CTTNBP2: variants seen among roughly 807,000 people sequenced by gnomAD.
The protein encoded by CTTNBP2 is cortactin-binding protein 2.
A neutral mutation model predicts 156.9 loss-of-function variants in CTTNBP2; 108 were observed. That is an observed-to-expected ratio of 0.69 (90% CI 0.59 to 0.81). The LOEUF is 0.81. Ranked by LOEUF, CTTNBP2 falls within the 30% of genes least tolerant of loss-of-function variation. The pLI, the probability that CTTNBP2 is intolerant of heterozygous loss-of-function variation, is 0.00. For missense variants in CTTNBP2, 1,924 were observed against 2,035.4 expected (o/e 0.95, Z 1.05); for synonymous variants, 767 against 751.8 (o/e 1.02, Z -0.33).
chr7:117,860,687 GA>G (rs1387952830), intron 2 of CTTNBP2, among the ~76,000 whole-genome samples: 4 of 152,000 alleles, frequency 2.6e-5, no homozygotes, highest in Admixed American at 2.6e-4. Context: ...AGCAATTACA[GA>G]AATATTTCAA....
intron 2 of CTTNBP2, among the ~76,000 whole-genome samples, chr7:117,830,721 C>T: frequency 6.6e-6 from 1 of 152,210 alleles, no homozygotes; most frequent in East Asian, 1.9e-4. Flanking sequence ...TTAGGAACGC[C>T]TCCCTCTCTA....
At chr7:117,821,983 C>T (rs753969515) in intron 2 of CTTNBP2, among the ~76,000 whole-genome samples, 9 of 152,176 alleles carry the variant, frequency 5.9e-5, no homozygotes, top group Non-Finnish European at 1.2e-4. Context: ...ATACTCTGAC[C>T]TCATAAAATG....
chr7:117,766,763 A>C lies in CTTNBP2; in HGVS notation c.2896+296T>G, dbSNP rs547079965. 5.3e-5 allele frequency among the ~76,000 whole-genome samples: 8 copies of C among 152,358 alleles called. No individual in the cohort carries two copies. The East Asian group carries it at 1.5e-3, about 29-fold the overall frequency. ...ATTTTTCATATCCTGCCAGTCTAACATCTAGAAAGACAATCTAAGTCAGAA... is the reference window on the plus strand; with the variant it reads ...ATTTTTCATATCCTGCCAGTCTAACCTCTAGAAAGACAATCTAAGTCAGAA... On this transcript the variant is annotated intron_variant, in intron 9 of 22. Transcript: ENST00000160373.
intron 3 of CTTNBP2, among the ~76,000 whole-genome samples, chr7:117,798,524 T>C (rs1017536848): frequency 2.0e-5 from 3 of 152,090 alleles, no homozygotes; most frequent in African/African-American, 7.2e-5. Flanking sequence ...TTAGAATATA[T>C]TTGGGGCTGA....
chr7:117,764,128 T>C (rs575434346), intron 9 of CTTNBP2, among the ~76,000 whole-genome samples: 1 of 152,088 alleles, frequency 6.6e-6, no homozygotes, highest in Admixed American at 6.5e-5. Context: ...ATGCTCCCCA[T>C]CTATGGTATC....
intron 16 of CTTNBP2, among the ~76,000 whole-genome samples, chr7:117,733,936 G>A (rs1420049393): frequency 6.6e-6 from 1 of 152,238 alleles, no homozygotes; most frequent in African/African-American, 2.4e-5. Flanking sequence ...AAACATTAAA[G>A]AGAAGTCTTA....
At chr7:117,857,664 A>C (rs1015781857) in intron 2 of CTTNBP2, among the ~76,000 whole-genome samples, 1 of 152,002 alleles carries the variant, frequency 6.6e-6, no homozygotes, top group African/African-American at 2.4e-5. Context: ...ACTATTTACT[A>C]TTTTCAGAGG....
At chr7:117,815,657 A>C (rs2116994529) in intron 2 of CTTNBP2, among the ~76,000 whole-genome samples, 1 of 152,188 alleles carries the variant, frequency 6.6e-6, no homozygotes, top group East Asian at 1.9e-4. Context: ...AGCCAACATC[A>C]GTGTGTATAT....
intron 8 of CTTNBP2, among the ~76,000 whole-genome samples, chr7:117,768,108 C>T (rs1562987396): frequency 6.6e-6 from 1 of 152,004 alleles, no homozygotes; most frequent in Non-Finnish European, 1.5e-5. Flanking sequence ...CACACACACA[C>T]ACACACACCC....
Position 117,784,241 on chromosome 7 carries a change from C to T in CTTNBP2, c.2272+10G>A, listed in dbSNP as rs1473222911. On this transcript the variant is annotated intron_variant, in intron 5 of 22. Transcript: ENST00000160373. ...TGCAAGTGTGTGGTATAAGATCTCG[C>T]CATATTTACCTGTATGTCCATTCTT... 2 of 1,585,964 alleles carry T rather than the reference C, an allele frequency of 1.3e-6. No individual in the cohort carries two copies. The highest frequency in any genetic ancestry group is 1.7e-6 in the Non-Finnish European group (2 of 1,167,864).
At chr7:117,825,985 GCAGTTTAT>G (rs1217224528) in intron 2 of CTTNBP2, among the ~76,000 whole-genome samples, 1 of 152,180 alleles carries the variant, frequency 6.6e-6, no homozygotes, top group African/African-American at 2.4e-5. Flanking sequence ...ACTCCCAGCT[GCAGTTTAT>G]CAGGTATCTA....
At chr7:117,867,910 T>C (rs1804317229) in intron 1 of CTTNBP2, among the ~76,000 whole-genome samples, 1 of 152,090 alleles carries the variant, frequency 6.6e-6, no homozygotes, top group African/African-American at 2.4e-5. Flanking sequence ...AAGGAAACAA[T>C]GTCAGGAAGG....
In CTTNBP2 at chr7:117,792,438, G is replaced by C. The variant is rs759755527; in HGVS notation, c.758C>G (p.Thr253Ser). The change falls in exon 4 of 23, where the codon ACT (threonine) becomes AGT (serine). Residue 253 changes from threonine to serine, a missense_variant. Transcript: ENST00000160373. This position sits in a 1 kb window ranked among gnomAD's most constrained non-coding sequence, Gnocchi z 4.2. ...CTTGTCTATCTCCTCTTTGAGGTCAGTGGTGTGTGCTTCTTCCCGGTTCAG... is the reference window on the plus strand; with the variant it reads ...CTTGTCTATCTCCTCTTTGAGGTCACTGGTGTGTGCTTCTTCCCGGTTCAG... ...AKLNREEAHTTDLKEEIDKMR... is the reference protein window; with the variant it reads ...AKLNREEAHTSDLKEEIDKMR... The C allele has an allele frequency of 1.9e-6, 3 of 1,614,070 alleles. No individual in the cohort carries two copies. The highest frequency in any genetic ancestry group is 1.3e-5 in the African/African-American group (1 of 74,906).
At chr7:117,787,473 G>A (rs1184114611) in intron 4 of CTTNBP2, among the ~76,000 whole-genome samples, 2 of 152,164 alleles carry the variant, frequency 1.3e-5, no homozygotes, top group African/African-American at 4.8e-5. Flanking sequence ...ATCATACATG[G>A]AGGATAATTT....
At chr7:117,724,473 G>T in intron 19 of CTTNBP2, 74 bp downstream of exon 19, 1 of 1,248,962 alleles carries the variant, frequency 8.0e-7, no homozygotes, top group Non-Finnish European at 1.1e-6. Flanking sequence ...AAAAATGAAA[G>T]CATATTTGCT....
At position 117,861,321 on chromosome 7, in the gene CTTNBP2, A is replaced by G; in HGVS notation, c.82-5T>C. ...ATCCACATCAAACTCTTTTTTCTGTAACACATAAAAAAATAAGGCCATGAA... is the reference window on the plus strand; with the variant it reads ...ATCCACATCAAACTCTTTTTTCTGTGACACATAAAAAAATAAGGCCATGAA... On this transcript the variant is annotated splice_polypyrimidine_tract_variant and splice_region_variant and intron_variant, in intron 1 of 22. Transcript: ENST00000160373. 6.3e-7 allele frequency: 1 copy of G among 1,589,420 alleles called. No homozygotes were observed. The highest frequency in any genetic ancestry group is 8.6e-7 in the Non-Finnish European group (1 of 1,160,748).
chr7:117,774,857 T>C (rs925750622), intron 8 of CTTNBP2, among the ~76,000 whole-genome samples: 3 of 152,194 alleles, frequency 2.0e-5, no homozygotes, highest in African/African-American at 7.2e-5. Context: ...TAAGCTCTAC[T>C]TGTGGTCAAT....
intron 2 of CTTNBP2, among the ~76,000 whole-genome samples, chr7:117,832,919 C>T (rs147956417): frequency 1.3e-4 from 20 of 150,330 alleles, no homozygotes; most frequent in African/African-American, 3.9e-4. Flanking sequence ...GCTTTTTTTT[C>T]TTTTTTTTTG....
chr7:117,732,047 ACGAGATG>A (rs1584913102), intron 16 of CTTNBP2, among the ~76,000 whole-genome samples: 4 of 152,184 alleles, frequency 2.6e-5, no homozygotes, highest in African/African-American at 7.2e-5. Context: ...TGGGTAAGTG[ACGAGATG>A]CTGTATCTGG....
Sources: gnomAD v4.1 joint callset for allele counts (sites outside exome capture counted in the v4.1 genomes callset) on GRCh38, gnomAD v4.1.1 for gene constraint, Gnocchi (gnomAD v3.1) non-coding constraint, MANE v1.5 for transcripts, NCBI Gene and HGNC (gene_info 2026-07-23, HGNC 2026-07-21) for gene names.